The following DDC variants were observed in gnomAD, a reference collection of about 807,000 sequenced individuals.
The protein encoded by DDC is dopa decarboxylase, also known as aromatic-L-amino-acid decarboxylase.
DDC carries 43 observed loss-of-function variants against 60.0 expected under a neutral mutation model. The observed-to-expected ratio is 0.72, with a 90% confidence interval of 0.56 to 0.92. The LOEUF (loss-of-function observed/expected upper bound fraction) is 0.92, where lower values mean the gene tolerates loss of function less well. Ranked by LOEUF, DDC falls within the 40% of genes least tolerant of loss-of-function variation. The pLI is 0.00. For missense variants in DDC, 573 were observed against 620.2 expected, an observed-to-expected ratio of 0.92 and a Z score of 0.81; for synonymous variants, 232 against 234.6, an observed-to-expected ratio of 0.99 and a Z score of 0.10.
intron 11 of DDC, among the ~76,000 whole-genome samples, chr7:50,473,455 C>T (rs566589762): frequency 1.7e-4 from 26 of 152,324 alleles, no homozygotes; most frequent in African/African-American, 6.3e-4. Flanking sequence ...CAGCTTTCAC[C>T]TTCTGCATTC....
intron 11 of DDC, among the ~76,000 whole-genome samples, chr7:50,476,167 C>A (rs1426848650): frequency 6.6e-6 from 1 of 152,232 alleles, no homozygotes; most frequent in Non-Finnish European, 1.5e-5. Context: ...AAGTATGCCT[C>A]ATTCAACACT....
rs900495067 is a variant in DDC, at chr7:50,458,475, C to T, written c.*387G>A. The T allele has an allele frequency of 6.6e-6, 1 of 152,184 alleles. No homozygotes were observed. The highest frequency in any genetic ancestry group is 2.4e-5 in the African/African-American group (1 of 41,432). 9.4% of individuals were successfully genotyped at this position (152,184 alleles called of 1,614,324 possible). A position where few individuals can be genotyped will look rare whatever the true frequency, so the allele number is the denominator to read the frequency against. On this transcript the variant is annotated 3_prime_UTR_variant, in exon 15 of 15. Transcript: ENST00000444124. ...GAATTGTTTATTAGGCATTTAGCCACATGACAAAAGACAATTTGAAGACCA... is the reference window on the plus strand; with the variant it reads ...GAATTGTTTATTAGGCATTTAGCCATATGACAAAAGACAATTTGAAGACCA...
intron 5 of DDC, among the ~76,000 whole-genome samples, chr7:50,528,793 G>GCCACCTTTTGCCCTGCAGCCC (rs1031379605): frequency 1.3e-5 from 2 of 152,088 alleles, no homozygotes; most frequent in East Asian, 3.9e-4. Context: ...ATGAAAGCCG[G>GCCACCTTTTGCCCTGCAGCCC]CCACCTTTTG....
chr7:50,506,234 G>A (rs1427191617), intron 6 of DDC, among the ~76,000 whole-genome samples: 1 of 152,222 alleles, frequency 6.6e-6, no homozygotes, highest in Non-Finnish European at 1.5e-5. Flanking sequence ...AGCCCAGAGT[G>A]TGAGAGCCCC....
At chr7:50,497,608 C>G (rs1417383661) in intron 8 of DDC, among the ~76,000 whole-genome samples, 2 of 152,156 alleles carry the variant, frequency 1.3e-5, no homozygotes, top group Non-Finnish European at 2.9e-5. Flanking sequence ...CTCTTCGTTT[C>G]CCAGCACCAA....
At chr7:50,463,543 C>G in intron 13 of DDC, 112 bp from the exon 14 acceptor site, 1 of 884,802 alleles carries the variant, frequency 1.1e-6, no homozygotes, top group Non-Finnish European at 1.9e-6. Context: ...AGGAAGAAGC[C>G]GACTAACCAT....
At chr7:50,549,556 A>T (rs577233461) in intron 1 of DDC, among the ~76,000 whole-genome samples, 53 of 152,068 alleles carry the variant, frequency 3.5e-4, no homozygotes, top group African/African-American at 1.2e-3. Flanking sequence ...CGGGAGGCTG[A>T]GGCAACAGAA....
At chr7:50,554,129 T>TA (rs1275424320) in intron 1 of DDC, among the ~76,000 whole-genome samples, 1 of 152,184 alleles carries the variant, frequency 6.6e-6, no homozygotes, top group Non-Finnish European at 1.5e-5. Context: ...TGCTTTCAGT[T>TA]ACTCTGTTAC....
At chr7:50,500,824 G>A (rs948185987) in intron 7 of DDC, among the ~76,000 whole-genome samples, 1 of 152,188 alleles carries the variant, frequency 6.6e-6, no homozygotes, top group Non-Finnish European at 1.5e-5. Context: ...CAGCTTTGTG[G>A]AGGACTGTGT....
intron 9 of DDC, among the ~76,000 whole-genome samples, chr7:50,492,211 T>C (rs1010393918): frequency 1.2e-4 from 19 of 152,266 alleles, no homozygotes; most frequent in African/African-American, 4.6e-4. Context: ...CGCTTGTCCA[T>C]GGCACTTTGT....
At chr7:50,553,196 A>G (rs1207259715) in intron 1 of DDC, among the ~76,000 whole-genome samples, 1 of 152,200 alleles carries the variant, frequency 6.6e-6, no homozygotes, top group Non-Finnish European at 1.5e-5. Flanking sequence ...CTGTTCATGC[A>G]CGCAAGACAT....
intron 9 of DDC, among the ~76,000 whole-genome samples, chr7:50,488,133 T>C (rs1173177385): frequency 2.0e-5 from 3 of 152,080 alleles, no homozygotes; most frequent in Non-Finnish European, 4.4e-5. Flanking sequence ...CCATCAGTTT[T>C]TATAAGTAAT....
intron 11 of DDC, among the ~76,000 whole-genome samples, chr7:50,474,989 G>A (rs1348256352): frequency 6.6e-6 from 1 of 152,216 alleles, no homozygotes; most frequent in Non-Finnish European, 1.5e-5. Flanking sequence ...GACTTTCCCA[G>A]GGAAGTAGTT....
At chr7:50,487,518 T>G (rs2042911650) in intron 9 of DDC, among the ~76,000 whole-genome samples, 1 of 152,150 alleles carries the variant, frequency 6.6e-6, no homozygotes, top group African/African-American at 2.4e-5. Context: ...ATCTTTTTTT[T>G]TGTAAACTGA....
intron 6 of DDC, among the ~76,000 whole-genome samples, chr7:50,518,829 G>T (rs1159087205): frequency 6.6e-6 from 1 of 152,170 alleles, no homozygotes; most frequent in African/African-American, 2.4e-5. Context: ...ATTGGCTTAG[G>T]CAAGGATTTC....
chr7:50,547,867 T>G (rs1364104017), intron 1 of DDC, among the ~76,000 whole-genome samples: 1 of 152,258 alleles, frequency 6.6e-6, no homozygotes, highest in Non-Finnish European at 1.5e-5. Flanking sequence ...CACCCCGTTT[T>G]ATTGCATTTT....
intron 1 of DDC, among the ~76,000 whole-genome samples, chr7:50,562,915 C>A (rs1034597151): frequency 6.6e-6 from 1 of 152,146 alleles, no homozygotes; most frequent in Admixed American, 6.5e-5. Flanking sequence ...TGCCTGTAAT[C>A]CCAGCCTTTG....
Position 50,526,248 on chromosome 7 carries a change from A to G in DDC, c.714+1889T>C, listed in dbSNP as rs547493343. ...TCACAACATTAAAATTACAACTGAC[A>G]TCTCAACAGAAATCATGGAAGAAAG... On this transcript the variant is annotated intron_variant, in intron 6 of 14. Transcript: ENST00000444124. 3.3e-5 allele frequency among the ~76,000 whole-genome samples: 5 copies of G among 152,378 alleles called. No individual in the cohort carries two copies. In the East Asian group the frequency reaches 9.6e-4, roughly 29 times the overall value.
At chr7:50,465,788 T>C (rs1585133548) in intron 13 of DDC, among the ~76,000 whole-genome samples, 2 of 152,260 alleles carry the variant, frequency 1.3e-5, no homozygotes, top group South Asian at 4.1e-4. Flanking sequence ...AAACAACTGC[T>C]TGACAGCAGA....
Sources: allele counts gnomAD v4.1 joint callset (sites outside exome capture counted in the v4.1 genomes callset), GRCh38; gene constraint gnomAD v4.1.1; transcripts MANE v1.5; gene names NCBI Gene and HGNC (gene_info 2026-07-23, HGNC 2026-07-21).